Variants in TNFRSF10B observed in about 807,000 individuals in gnomAD.
TNFRSF10B encodes the protein tumor necrosis factor receptor superfamily member 10B.
Under a neutral mutation model 41.4 loss-of-function variants are expected in TNFRSF10B, and 35 were observed. The observed-to-expected ratio is 0.85, with a 90% CI of 0.65 to 1.12. The LOEUF is 1.12. Among genes scored for constraint, TNFRSF10B ranks in the 50% most tolerant of loss-of-function variants. The pLI is 0.00. For missense variants in TNFRSF10B, 584 were observed against 552.7 expected, an observed-to-expected ratio of 1.06 and a Z score of -0.57; for synonymous variants, 230 against 215.5, an observed-to-expected ratio of 1.07 and a Z score of -0.59.
At chr8:23,062,037 G>A (rs1349654739) in intron 1 of TNFRSF10B, among the ~76,000 whole-genome samples, 1 of 152,014 alleles carries the variant, frequency 6.6e-6, no homozygotes, top group African/African-American at 2.4e-5. Flanking sequence ...AGCAATGCTG[G>A]CCTTACAGAA....
At chr8:23,056,794 C>T (rs1206648768) in intron 1 of TNFRSF10B, among the ~76,000 whole-genome samples, 1 of 152,110 alleles carries the variant, frequency 6.6e-6, no homozygotes, top group Non-Finnish European at 1.5e-5. Flanking sequence ...TGCTTAGCAT[C>T]CAAATTTGGA....
At chr8:23,025,921 C>G (rs1811690218) in intron 7 of TNFRSF10B, among the ~76,000 whole-genome samples, 1 of 152,120 alleles carries the variant, frequency 6.6e-6, no homozygotes, top group Non-Finnish European at 1.5e-5. Context: ...ACAAAAAATA[C>G]AAAACTTAGC....
intron 2 of TNFRSF10B, among the ~76,000 whole-genome samples, chr8:23,042,280 C>G (rs540135258): frequency 6.6e-6 from 1 of 152,234 alleles, no homozygotes; most frequent in African/African-American, 2.4e-5. Flanking sequence ...CTCAGGCAAG[C>G]CTTTCCTGTG....
intron 1 of TNFRSF10B, among the ~76,000 whole-genome samples, chr8:23,046,233 T>C (rs1176797443): frequency 1.3e-5 from 2 of 152,164 alleles, no homozygotes; most frequent in Non-Finnish European, 2.9e-5. Context: ...GTAAACAAAT[T>C]CAGTAAGGTT....
chr8:23,021,116 AATGATCC>A lies in TNFRSF10B; in HGVS notation c.*1548_*1554del. 1 of 454,130 alleles carries A rather than the reference AATGATCC, an allele frequency of 2.2e-6. No individual in the cohort carries two copies. The highest frequency in any genetic ancestry group is 4.4e-6 in the Non-Finnish European group (1 of 226,782). 28.1% of individuals were successfully genotyped at this position (454,130 alleles called of 1,614,324 possible). A position where few individuals can be genotyped will look rare whatever the true frequency, so the allele number is the denominator to read the frequency against. On this transcript the variant is annotated 3_prime_UTR_variant, in exon 9 of 9. Coordinates refer to ENST00000276431, the MANE Select transcript of TNFRSF10B (RefSeq NM_003842.5). ...AACTCCTGGAATGACTACCTGCATA[AATGATCC>A]TTCCATGACTGAAATACTATGGAGA... is the stretch of plus-strand genomic sequence containing the variant.
intron 1 of TNFRSF10B, among the ~76,000 whole-genome samples, chr8:23,063,434 T>C (rs1245598386): frequency 6.6e-6 from 1 of 152,196 alleles, no homozygotes; most frequent in Non-Finnish European, 1.5e-5. Context: ...TGCAGGTCTA[T>C]GAGCAATGAC....
chr8:23,022,759 C>T lies in TNFRSF10B; in HGVS notation c.1235G>A (p.Arg412Lys). 1 of 1,614,000 alleles carries T rather than the reference C, an allele frequency of 6.2e-7. No individual in the cohort carries two copies. Among genetic ancestry groups the T allele is most frequent in the Non-Finnish European group, 8.5e-7 (1 of 1,179,980 alleles). ...GTCCTCAATCTTCTGCTTGGCAAGT[C>T]TCTCTCCCAGCGTCTCCAAGGCATC... ...LLDALETLGERLAKQKIEDHL... is the reference protein window; with the variant it reads ...LLDALETLGEKLAKQKIEDHL... The change falls in exon 9 of 9, where the codon AGA (arginine) becomes AAA (lysine). Residue 412 changes from arginine to lysine, a missense_variant. Physicochemically the swap from Arg to Lys is conservative, Grantham distance 26. Coordinates refer to ENST00000276431, the MANE Select transcript of TNFRSF10B (RefSeq NM_003842.5).
chr8:23,038,396 A>G (rs899750335), intron 2 of TNFRSF10B, among the ~76,000 whole-genome samples: 5 of 152,222 alleles, frequency 3.3e-5, no homozygotes, highest in Non-Finnish European at 7.3e-5. Flanking sequence ...TATAAATACC[A>G]GCTACAATGA....
chr8:23,046,622 A>G (rs1377377721), intron 1 of TNFRSF10B, among the ~76,000 whole-genome samples: 1 of 148,478 alleles, frequency 6.7e-6, no homozygotes, highest in Non-Finnish European at 1.5e-5. Flanking sequence ...CCATAAAAAA[A>G]AAAAAAAAAA....
At chr8:23,028,141 G>A in intron 5 of TNFRSF10B, 190 bp downstream of exon 5, 1 of 715,154 alleles carries the variant, frequency 1.4e-6, no homozygotes, top group Non-Finnish European at 2.3e-6. Flanking sequence ...ACCTGGGAGA[G>A]GGACTGAAGA....
chr8:23,039,676 T>C (rs1585214361), intron 2 of TNFRSF10B, among the ~76,000 whole-genome samples: 1 of 152,094 alleles, frequency 6.6e-6, no homozygotes, highest in African/African-American at 2.4e-5. Flanking sequence ...AAATCAACCA[T>C]CACAAGTCAA....
At chr8:23,027,863 G>A (rs1418604613) in intron 5 of TNFRSF10B, 110 bp from the exon 6 acceptor site, 4 of 1,360,604 alleles carry the variant, frequency 2.9e-6, no homozygotes, top group Admixed American at 1.9e-5. Flanking sequence ...ACTGGACAAG[G>A]AGCCCTGGGG....
intron 1 of TNFRSF10B, among the ~76,000 whole-genome samples, chr8:23,066,412 G>T (rs1220190703): frequency 6.6e-6 from 1 of 152,198 alleles, no homozygotes; most frequent in African/African-American, 2.4e-5. Context: ...GTTAGATTCT[G>T]CAGAAGCAGA....
chr8:23,055,966 G>A (rs1047045859), intron 1 of TNFRSF10B, among the ~76,000 whole-genome samples: 1 of 152,194 alleles, frequency 6.6e-6, no homozygotes, highest in African/African-American at 2.4e-5. Flanking sequence ...GAGTTGGTCT[G>A]GCGATAATTT....
In TNFRSF10B at chr8:23,028,603, C is replaced by T. The variant is rs1262140849; in HGVS notation, c.477-1G>A. The T allele has an allele frequency of 1.2e-6, 2 of 1,613,960 alleles. No homozygotes were observed. Among genetic ancestry groups the T allele is most frequent in the East Asian group, 4.5e-5 (2 of 44,886 alleles). ...GACCTTGACCATCCCTCTGGGACACCTGGGTACACACACAGAGGGAGAGGG... is the reference window on the plus strand; with the variant it reads ...GACCTTGACCATCCCTCTGGGACACTTGGGTACACACACAGAGGGAGAGGG... On this transcript the variant is annotated splice_acceptor_variant, in intron 4 of 8. Coordinates refer to ENST00000276431, the MANE Select transcript of TNFRSF10B (RefSeq NM_003842.5). LOFTEE classifies it high-confidence loss of function.
intron 2 of TNFRSF10B, among the ~76,000 whole-genome samples, chr8:23,036,801 C>A (rs1301256178): frequency 6.6e-6 from 1 of 152,172 alleles, no homozygotes. Flanking sequence ...CGAGGTCGCC[C>A]CATTGCACTC....
intron 1 of TNFRSF10B, among the ~76,000 whole-genome samples, chr8:23,067,868 C>T (rs532228136): frequency 7.2e-5 from 11 of 152,342 alleles, no homozygotes; most frequent in South Asian, 4.1e-4. Context: ...CACTTCCCCA[C>T]TCTGAGCTGC....
chr8:23,037,592 A>C (rs1368920288), intron 2 of TNFRSF10B, among the ~76,000 whole-genome samples: 1 of 152,182 alleles, frequency 6.6e-6, no homozygotes, highest in Non-Finnish European at 1.5e-5. Flanking sequence ...TGAGGGACTC[A>C]CTTGATGGCA....
At position 23,020,666 on chromosome 8, in the gene TNFRSF10B, T is replaced by A. The variant is rs1406324890; in HGVS notation, c.*2005A>T. 4.4e-6 allele frequency: 2 copies of A among 454,002 alleles called. No individual in the cohort carries two copies. Among genetic ancestry groups the A allele is most frequent in the South Asian group, 3.1e-5 (2 of 64,424 alleles). 28.1% of individuals were successfully genotyped at this position (454,002 alleles called of 1,614,324 possible). A position where few individuals can be genotyped will look rare whatever the true frequency, so the allele number is the denominator to read the frequency against. On this transcript the variant is annotated 3_prime_UTR_variant, in exon 9 of 9. Transcript: ENST00000276431. ...AAGATCGTACCGTTGCACTCCAGCC[T>A]GGGCGAGAGAGTGAGATTCTGTCTC...
Sources: gnomAD v4.1 joint callset for allele counts (sites outside exome capture counted in the v4.1 genomes callset) on GRCh38, gnomAD v4.1.1 for gene constraint, MANE v1.5 for transcripts, NCBI Gene and HGNC (gene_info 2026-07-23, HGNC 2026-07-21) for gene names.